The following SEL1L3 variants were observed in gnomAD, a reference collection of about 807,000 sequenced individuals.
SEL1L3 encodes the protein protein sel-1 homolog 3.
In SEL1L3, 76 loss-of-function variants were observed where a neutral mutation model predicts 142.8. That is an observed-to-expected ratio of 0.53 (90% CI 0.44 to 0.64). The LOEUF (loss-of-function observed/expected upper bound fraction) is 0.64. Among genes scored for constraint, SEL1L3 ranks in the 30% least tolerant of loss-of-function variants. The pLI is 0.00. For missense variants in SEL1L3, 1,262 were observed against 1,381.7 expected, an observed-to-expected ratio of 0.91 and a Z score of 1.37; for synonymous variants, 504 against 519.6, an observed-to-expected ratio of 0.97 and a Z score of 0.41.
chr4:25,835,650 A>C (rs1715771251), intron 2 of SEL1L3, among the ~76,000 whole-genome samples: 1 of 152,208 alleles, frequency 6.6e-6, no homozygotes, highest in African/African-American at 2.4e-5. Flanking sequence ...CTGTGTTCAT[A>C]ATCATTTCAC....
At chr4:25,731,348 C>A in the SEL1L3 span, among the ~76,000 whole-genome samples, 3 of 152,070 alleles carry the variant, frequency 2.0e-5, no homozygotes, top group Non-Finnish European at 1.5e-5. Context: ...CATTAAGGTA[C>A]AATTGACCCA....
intron 2 of SEL1L3, among the ~76,000 whole-genome samples, chr4:25,835,829 C>T (rs1321224745): frequency 6.6e-6 from 1 of 152,190 alleles, no homozygotes; most frequent in East Asian, 1.9e-4. Context: ...AACAGAGGCA[C>T]GGTTGCCAAA....
chr4:25,853,540 A>T, intron 1 of SEL1L3, among the ~76,000 whole-genome samples: 1 of 151,766 alleles, frequency 6.6e-6, no homozygotes, highest in East Asian at 2.0e-4. Context: ...CCCTTTGTAT[A>T]AAAAAAAGGG....
intron 2 of SEL1L3, among the ~76,000 whole-genome samples, chr4:25,845,635 C>A (rs571002407): frequency 1.3e-5 from 2 of 151,472 alleles, no homozygotes; most frequent in East Asian, 3.9e-4. Flanking sequence ...ACCAAGAAAT[C>A]GCCACAGTCA....
chr4:25,790,456 T>C lies in SEL1L3; in HGVS notation c.2075A>G (p.Gln692Arg), dbSNP rs771110816. Reference protein sequence around the residue: ...HEATRGNAAAQQRLAQMLFWG... With the variant: ...HEATRGNAAARQRLAQMLFWG... ...CAAGACAGTAGCCTGCGTTTTTACC[T>C]GAGCTGCTGCATTGCCTCGGGTAGC... The change falls in exon 12 of 24, where the codon CAG becomes CGG. Residue 692 changes from glutamine (Q) to arginine (R), a missense_variant and splice_region_variant. Physicochemically the swap from Gln to Arg is conservative, Grantham distance 43. Transcript: ENST00000399878. The C allele has an allele frequency of 1.9e-6, 3 of 1,613,796 alleles. No homozygotes were observed. Among genetic ancestry groups the C allele is most frequent in the East Asian group, 2.2e-5 (1 of 44,880 alleles).
intron 13 of SEL1L3, among the ~76,000 whole-genome samples, chr4:25,784,527 T>C (rs1357800013): frequency 6.6e-6 from 1 of 152,208 alleles, no homozygotes; most frequent in Non-Finnish European, 1.5e-5. Context: ...CAGTAATCGC[T>C]GTGTCAGTTG....
At chr4:25,765,520 CAA>C (rs1357654823) in intron 19 of SEL1L3, 85 bp from the exon 20 acceptor site, 2 of 813,586 alleles carry the variant, frequency 2.5e-6, no homozygotes, top group Non-Finnish European at 4.2e-6. Context: ...CACATGAATG[CAA>C]GTTTTTCCTA....
chr4:25,861,354 T>C (rs939618007), intron 1 of SEL1L3, among the ~76,000 whole-genome samples: 1 of 152,226 alleles, frequency 6.6e-6, no homozygotes, highest in African/African-American at 2.4e-5. Flanking sequence ...AATTTGATAT[T>C]GGCTAATTCT....
chr4:25,862,743 G>C lies in SEL1L3; in HGVS notation c.94C>G (p.Pro32Ala). 2 of 1,245,146 alleles carry C rather than the reference G, an allele frequency of 1.6e-6. No individual in the cohort carries two copies. The highest frequency in any genetic ancestry group is 2.0e-6 in the Non-Finnish European group (2 of 995,342). The allele number at this position is 1,245,146 out of a possible 1,614,324, so 77.1% of individuals were successfully genotyped here. A position where few individuals can be genotyped will look rare whatever the true frequency, so the allele number is the denominator to read the frequency against. ...AGGCCCTGGGGGACGCCGCCACTCG[G>C]GACCATGGCTGCGGCCCGGGGGCCG... is the stretch of plus-strand genomic sequence containing the variant. The part of the protein sequence containing the change: ...AVGPRAAAMV[P>A]SGGVPQGLGG... The change falls in exon 1 of 24, where the codon CCG (proline) becomes GCG (alanine). Residue 32 changes from proline (P) to alanine (A), a missense_variant. By Grantham distance (27) the Pro-to-Ala change is conservative. Around this residue, in one of 3 missense-constraint regions of SEL1L3, gnomAD observed 689 missense variants for 692.8 expected, o/e 0.99. Coordinates refer to ENST00000399878, the MANE Select transcript of SEL1L3 (RefSeq NM_015187.5).
intron 6 of SEL1L3, among the ~76,000 whole-genome samples, chr4:25,828,637 T>A (rs1302429134): frequency 2.6e-5 from 4 of 152,108 alleles, no homozygotes; most frequent in Non-Finnish European, 4.4e-5. Context: ...TCACCCACCT[T>A]GGCTCCTGAA....
downstream of SEL1L3, among the ~76,000 whole-genome samples, chr4:25,745,106 G>A (rs900893897): frequency 5.9e-5 from 9 of 152,042 alleles, no homozygotes; most frequent in East Asian, 1.9e-4. Flanking sequence ...ATAAGAACAC[G>A]AGGAAAGGCC....
chr4:25,756,498 AT>A lies in SEL1L3; in HGVS notation c.3259+1035del, dbSNP rs369299272. 4.7e-5 allele frequency: 46 copies of A among 983,312 alleles called. No individual in the cohort carries two copies. The African/African-American group carries it at 7.3e-4, about 16-fold the overall frequency. 60.9% of individuals were successfully genotyped at this position (983,312 alleles called of 1,614,324 possible). On this transcript the variant is annotated intron_variant, in intron 23 of 23. Transcript: ENST00000399878. The stretch of plus-strand genomic sequence containing the variant: ...TTACGTGCATTTTTTTTCACTTAAT[AT>A]TTTTTTCATTTTATGTTCCTAGGAA...
the SEL1L3 span, among the ~76,000 whole-genome samples, chr4:25,728,468 A>G: frequency 6.6e-6 from 1 of 152,038 alleles, no homozygotes; most frequent in Non-Finnish European, 1.5e-5. Context: ...TCCCTGAAAC[A>G]CCATAGGCAC....
chr4:25,861,085 C>T (rs1459369822), intron 1 of SEL1L3, among the ~76,000 whole-genome samples: 6 of 152,302 alleles, frequency 3.9e-5, no homozygotes, highest in African/African-American at 1.2e-4. Flanking sequence ...CTTTTCGGCC[C>T]GGCCCATTTG....
In SEL1L3 at chr4:25,819,962, A is replaced by G. The variant is rs1408022543; in HGVS notation, c.1291-22T>C. 3 of 1,602,126 alleles carry G rather than the reference A, an allele frequency of 1.9e-6. No homozygotes were observed. In the East Asian group the frequency reaches 6.7e-5, roughly 36 times the overall value. ...AAATCTACAAGAAGGCAAGAAAGTC[A>G]AATGAACAACAATTGTCATCAAATA... is the stretch of plus-strand genomic sequence containing the variant. On this transcript the variant is annotated intron_variant, in intron 7 of 23. Coordinates refer to ENST00000399878, the MANE Select transcript of SEL1L3 (RefSeq NM_015187.5).
upstream of SEL1L3, chr4:25,863,492 C>T: frequency 1.4e-6 from 1 of 702,722 alleles, no homozygotes; most frequent in Non-Finnish European, 2.6e-6. Context: ...TGTCTGGTTG[C>T]TTTTTTGGCC....
chr4:25,749,071 A>C (rs1717422711), intron 23 of SEL1L3, among the ~76,000 whole-genome samples: 1 of 152,186 alleles, frequency 6.6e-6, no homozygotes, highest in Non-Finnish European at 1.5e-5. Context: ...ATTTTGCAGC[A>C]GTCAGGAGAA....
intron 1 of SEL1L3, among the ~76,000 whole-genome samples, chr4:25,857,391 TAC>T (rs1050104552): frequency 2.0e-5 from 3 of 152,220 alleles, no homozygotes; most frequent in Non-Finnish European, 4.4e-5. Flanking sequence ...CTTCCCAACT[TAC>T]ATCACACAAA....
chr4:25,727,145 C>T, the SEL1L3 span, among the ~76,000 whole-genome samples: 6 of 151,854 alleles, frequency 4.0e-5, no homozygotes, highest in South Asian at 2.1e-4. Context: ...CTCCGCCTCC[C>T]GGGTTCAAGC....
Sources: gnomAD v4.1 joint callset for allele counts (sites outside exome capture counted in the v4.1 genomes callset) on GRCh38, gnomAD v4.1.1 for gene constraint, gnomAD v4.1.1 regional missense constraint, MANE v1.5 for transcripts, NCBI Gene and HGNC (gene_info 2026-07-23, HGNC 2026-07-21) for gene names.